EMID1: variants seen among roughly 807,000 people sequenced by gnomAD.
EMID1 encodes the protein EMI domain containing 1.
A neutral mutation model predicts 60.6 loss-of-function variants in EMID1; 40 were observed. The ratio of observed to expected loss-of-function variants is 0.66; its 90% CI spans 0.51 to 0.86. The LOEUF (loss-of-function observed/expected upper bound fraction) is 0.86, where lower values mean the gene tolerates loss of function less well. Ranked by LOEUF, EMID1 falls within the 40% of genes least tolerant of loss-of-function variation. The pLI is 0.00. For synonymous variants in EMID1, 242 were observed against 231.0 expected, an observed-to-expected ratio of 1.05 and a Z score of -0.43; for missense variants, 585 against 597.1, an observed-to-expected ratio of 0.98 and a Z score of 0.21.
intron 6 of EMID1, 59 bp from the exon 7 acceptor site, chr22:29,231,534 C>T (rs931097435): frequency 2.6e-6 from 4 of 1,522,002 alleles, no homozygotes; most frequent in Non-Finnish European, 2.7e-6. Flanking sequence ...GGGGCTGGGG[C>T]CAGGGTGGGG....
intron 12 of EMID1, among the ~76,000 whole-genome samples, chr22:29,241,316 G>A (rs893127271): frequency 2.0e-5 from 3 of 152,190 alleles, no homozygotes; most frequent in African/African-American, 7.2e-5. Flanking sequence ...TTCTCCAACA[G>A]ATCTAAGAAG....
intron 13 of EMID1, among the ~76,000 whole-genome samples, chr22:29,246,124 G>A (rs190481027): frequency 1.0e-3 from 155 of 152,334 alleles, no homozygotes; most frequent in African/African-American, 3.6e-3. Flanking sequence ...AACCAGGCAC[G>A]GAGTGTCCAG....
intron 3 of EMID1, among the ~76,000 whole-genome samples, chr22:29,221,065 AC>A: frequency 2.3e-5 from 1 of 43,680 alleles, no homozygotes; most frequent in Admixed American, 2.1e-4. Context: ...TGGGGTGGGA[AC>A]GTGTGTGTGT....
intron 13 of EMID1, among the ~76,000 whole-genome samples, chr22:29,248,601 T>C (rs192076129): frequency 1.3e-5 from 2 of 152,264 alleles, no homozygotes; most frequent in Non-Finnish European, 2.9e-5. Flanking sequence ...CCCAGCACTT[T>C]GGGAGTCCAA....
intron 1 of EMID1, among the ~76,000 whole-genome samples, chr22:29,211,146 G>A (rs893829947): frequency 6.6e-6 from 1 of 152,082 alleles, no homozygotes; most frequent in Non-Finnish European, 1.5e-5. Flanking sequence ...CATTTGCAGG[G>A]AGAAGGTTTG....
chr22:29,214,469 G>A (rs2040008284), intron 1 of EMID1, among the ~76,000 whole-genome samples: 1 of 152,150 alleles, frequency 6.6e-6, no homozygotes, highest in South Asian at 2.1e-4. Flanking sequence ...GGGGAGTTGG[G>A]TAGGCAAGGC....
intron 1 of EMID1, among the ~76,000 whole-genome samples, chr22:29,212,651 C>A (rs2039935203): frequency 6.6e-6 from 1 of 151,956 alleles, no homozygotes; most frequent in Non-Finnish European, 1.5e-5. Flanking sequence ...GCCACCTCCG[C>A]CTCCCAGATT....
Position 29,259,263 on chromosome 22 carries a change from A to G in EMID1, c.*319A>G, listed in dbSNP as rs777275912. 2.8e-6 allele frequency: 1 copy of G among 357,258 alleles called. No individual in the cohort carries two copies. The highest frequency in any genetic ancestry group is 5.1e-6 in the Non-Finnish European group (1 of 196,512). The allele number at this position is 357,258 out of a possible 1,614,324, so 22.1% of individuals were successfully genotyped here. On this transcript the variant is annotated 3_prime_UTR_variant, in exon 15 of 15. Transcript: ENST00000334018. ...CAGGCCCAAAGGCACTGAGGGAGTC[A>G]GGAGCTGGGGCTCGGCACATGCAGA...
chr22:29,256,613 A>T (rs1341853187), intron 14 of EMID1, among the ~76,000 whole-genome samples: 1 of 152,074 alleles, frequency 6.6e-6, no homozygotes, highest in Non-Finnish European at 1.5e-5. Context: ...TGGAGTACAG[A>T]TAGGTGCTGG....
Position 29,258,985 on chromosome 22 carries a change from C to T in EMID1, c.*41C>T, listed in dbSNP as rs746232694. The T allele has an allele frequency of 1.2e-5, 19 of 1,594,320 alleles. No homozygotes were observed. In the East Asian group the frequency reaches 3.7e-4, roughly 31 times the overall value. Reference sequence around the variant, plus strand: ...CTGAGGCAGACCAGGCCAGGCTTCCCCTCCTACCTGGACTCGGCCAGCTGC... The same window carrying T: ...CTGAGGCAGACCAGGCCAGGCTTCCTCTCCTACCTGGACTCGGCCAGCTGC... On this transcript the variant is annotated 3_prime_UTR_variant, in exon 15 of 15. Transcript: ENST00000334018.
At chr22:29,254,408 G>A (rs1251655514) in intron 14 of EMID1, 121 bp downstream of exon 14, 1 of 930,662 alleles carries the variant, frequency 1.1e-6, no homozygotes, top group Non-Finnish European at 1.7e-6. Context: ...GCCTGCCCCA[G>A]GCAAGCATGG....
intron 13 of EMID1, among the ~76,000 whole-genome samples, chr22:29,249,293 C>T (rs1458403236): frequency 2.6e-5 from 4 of 151,856 alleles, no homozygotes; most frequent in African/African-American, 4.8e-5. Context: ...AGCACCAGGA[C>T]GGAGTCTCTG....
At chr22:29,222,971 G>A (rs894201129) in intron 3 of EMID1, among the ~76,000 whole-genome samples, 5 of 152,108 alleles carry the variant, frequency 3.3e-5, no homozygotes, top group African/African-American at 1.2e-4. Context: ...CGCTCCTGTT[G>A]TCCCAACTAC....
intron 1 of EMID1, among the ~76,000 whole-genome samples, chr22:29,209,065 C>T (rs2146094754): frequency 6.6e-6 from 1 of 152,290 alleles, no homozygotes; most frequent in Non-Finnish European, 1.5e-5. Flanking sequence ...CCCTGCCCGC[C>T]CGGTCCTTTC....
At chr22:29,238,203 T>G (rs1485860214) in intron 12 of EMID1, among the ~76,000 whole-genome samples, 3 of 142,134 alleles carry the variant, frequency 2.1e-5, no homozygotes, top group Non-Finnish European at 3.0e-5. Context: ...TTTTTCCCTC[T>G]GTTTTCTTTT....
rs753102690 is a variant in EMID1 at position 29,243,486 on chromosome 22, C to T, written c.1116C>T (p.His372=). 6.2e-7 allele frequency: 1 copy of T among 1,614,062 alleles called. No individual in the cohort carries two copies. Residue 372 remains histidine, a synonymous_variant, in exon 13 of 15, where the codon CAC becomes CAT. Coordinates refer to ENST00000334018, the MANE Select transcript of EMID1 (RefSeq NM_133455.4). ...AGGGAGACCCTGGTGAGAAGAGCCA[C>T]TGGGTAAGCTCTGGCCTGGCACTGG... The part of the protein sequence containing the change: ...GPKGDPGEKS[H]WGEGLHQLRE...
intron 1 of EMID1, 110 bp downstream of exon 1, chr22:29,206,249 G>GC: frequency 1.2e-6 from 1 of 855,234 alleles, no homozygotes; most frequent in Non-Finnish European, 1.5e-6. Flanking sequence ...CCCAGCCCGG[G>GC]TGAGGGCAGG....
In EMID1 at chr22:29,220,210, A is replaced by G. The variant is rs577269164; in HGVS notation, c.319+4580A>G. On this transcript the variant is annotated intron_variant, in intron 3 of 14. Coordinates refer to ENST00000334018, the MANE Select transcript of EMID1 (RefSeq NM_133455.4). ...GCCGGCAAGTCGCTGCTCTGCCTGC[A>G]ACCCACTGGGTGCTCCCACCTGGCT... is the stretch of plus-strand genomic sequence containing the variant. 2.0e-5 allele frequency among the ~76,000 whole-genome samples: 3 copies of G among 152,298 alleles called. No individual in the cohort carries two copies. The East Asian group carries it at 5.8e-4, about 29-fold the overall frequency.
intron 5 of EMID1, among the ~76,000 whole-genome samples, chr22:29,230,322 G>A (rs1348113133): frequency 6.9e-6 from 1 of 144,490 alleles, no homozygotes; most frequent in African/African-American, 2.6e-5. Flanking sequence ...AACAGAGCAA[G>A]GCTCTCCATC....
Sources: allele counts gnomAD v4.1 joint callset (sites outside exome capture counted in the v4.1 genomes callset), GRCh38; gene constraint gnomAD v4.1.1; transcripts MANE v1.5; gene names NCBI Gene and HGNC (gene_info 2026-07-23, HGNC 2026-07-21).